The following SERTAD2 variants were observed in gnomAD, a reference collection of about 807,000 sequenced individuals.
SERTAD2 encodes the protein SERTA domain containing 2, also known as SERTA domain-containing protein 2.
SERTAD2 carries 2 observed loss-of-function variants against 15.4 expected under a neutral mutation model. The ratio of observed to expected loss-of-function variants is 0.13; its 90% CI spans 0.05 to 0.41. SERTAD2 has a LOEUF of 0.41. SERTAD2 is among the 10% of genes least tolerant of loss of function. The pLI is 0.99. For missense variants in SERTAD2, 333 were observed against 409.7 expected, an observed-to-expected ratio of 0.81 and a Z score of 1.62; for synonymous variants, 180 against 178.0, an observed-to-expected ratio of 1.01 and a Z score of -0.09.
intron 1 of SERTAD2, among the ~76,000 whole-genome samples, chr2:64,641,856 A>G (rs1449686441): frequency 6.6e-6 from 1 of 152,180 alleles, no homozygotes; most frequent in Non-Finnish European, 1.5e-5. Context: ...CTTCTCAACC[A>G]CGGACAAGCC....
rs552839590 is a variant in SERTAD2, at chr2:64,638,146, G to C, written c.-4-1271C>G. Among the ~76,000 whole-genome samples the C allele has an allele frequency of 1.8e-4, 28 of 152,288 alleles. No individual in the cohort carries two copies. The South Asian group carries it at 5.8e-3, about 32-fold the overall frequency. Reference sequence around the variant, plus strand: ...ACTCTCAGGGACTCCTGCTAATCCTGTCCTCAGTGTGACTCACTCTCATGT... The same window carrying C: ...ACTCTCAGGGACTCCTGCTAATCCTCTCCTCAGTGTGACTCACTCTCATGT... On this transcript the variant is annotated intron_variant, in intron 1 of 1. Transcript: ENST00000313349.
At position 64,635,837 on chromosome 2, in the gene SERTAD2, AAGC is replaced by A; in HGVS notation, c.*87_*89del. ...AATTTTCTTTTTCTCTGAAAAAGGCAAGCAAGGGTGCATGCACAGTGTGGAGAA... is the reference window on the plus strand; with the variant it reads ...AATTTTCTTTTTCTCTGAAAAAGGCAAAGGGTGCATGCACAGTGTGGAGAA... On this transcript the variant is annotated 3_prime_UTR_variant, in exon 2 of 2. Transcript: ENST00000313349. 1 of 1,061,190 alleles carries A rather than the reference AAGC, an allele frequency of 9.4e-7. No homozygotes were observed. Among genetic ancestry groups the A allele is most frequent in the Non-Finnish European group, 1.4e-6 (1 of 718,300 alleles). 65.7% of individuals were successfully genotyped at this position (1,061,190 alleles called of 1,614,324 possible). A position where few individuals can be genotyped will look rare whatever the true frequency, so the allele number is the denominator to read the frequency against.
intron 1 of SERTAD2, among the ~76,000 whole-genome samples, chr2:64,639,303 C>T (rs1270680033): frequency 6.6e-6 from 1 of 152,224 alleles, no homozygotes; most frequent in Non-Finnish European, 1.5e-5. Context: ...AGCAAATTTA[C>T]ACAGTAACTG....
At chr2:64,638,650 G>C (rs1674709587) in intron 1 of SERTAD2, among the ~76,000 whole-genome samples, 1 of 152,136 alleles carries the variant, frequency 6.6e-6, no homozygotes, top group South Asian at 2.1e-4. Context: ...GAAGAATGTG[G>C]AGTTACTTGC....
In SERTAD2 at chr2:64,633,201, T is replaced by G. The variant is rs754813050; in HGVS notation, c.*2726A>C. ...TAGATCATTTTGATCTTTCTGAAAA[T>G]GGGCTGCTAATTTTCCATGTCTTTC... On this transcript the variant is annotated 3_prime_UTR_variant, in exon 2 of 2. Transcript: ENST00000313349. 6.6e-6 allele frequency: 1 copy of G among 152,226 alleles called. No individual in the cohort carries two copies. The highest frequency in any genetic ancestry group is 1.5e-5 in the Non-Finnish European group (1 of 68,030). 9.4% of individuals were successfully genotyped at this position (152,226 alleles called of 1,614,324 possible).
At chr2:64,650,061 TG>T (rs1403671931) in intron 1 of SERTAD2, among the ~76,000 whole-genome samples, 2 of 152,094 alleles carry the variant, frequency 1.3e-5, no homozygotes, top group East Asian at 3.9e-4. Context: ...AATCAAATTG[TG>T]GGGTTTACTT....
intron 1 of SERTAD2, among the ~76,000 whole-genome samples, chr2:64,642,026 T>C (rs1674787921): frequency 1.3e-5 from 2 of 152,234 alleles, no homozygotes; most frequent in Non-Finnish European, 2.9e-5. Flanking sequence ...CCATTTCTTC[T>C]TTTCCTCATC....
intron 1 of SERTAD2, among the ~76,000 whole-genome samples, chr2:64,645,301 T>C (rs1422538787): frequency 6.6e-6 from 1 of 152,072 alleles, no homozygotes; most frequent in Non-Finnish European, 1.5e-5. Flanking sequence ...CAACGCAGCC[T>C]AGGCTGTTTG....
At chr2:64,643,086 T>A (rs187667854) in intron 1 of SERTAD2, among the ~76,000 whole-genome samples, 10 of 152,342 alleles carry the variant, frequency 6.6e-5, no homozygotes, top group African/African-American at 2.4e-4. Flanking sequence ...TGGAGACACC[T>A]GGTCCTGCAC....
intron 1 of SERTAD2, among the ~76,000 whole-genome samples, chr2:64,642,611 A>C (rs1674798701): frequency 6.6e-6 from 1 of 152,034 alleles, no homozygotes; most frequent in African/African-American, 2.4e-5. Context: ...CCAAACTACC[A>C]CTTCTGTCAT....
chr2:64,651,042 G>A (rs559931704), intron 1 of SERTAD2, among the ~76,000 whole-genome samples: 63 of 152,258 alleles, frequency 4.1e-4, no homozygotes, highest in Middle Eastern at 3.4e-3. Context: ...AATTTCTGTT[G>A]CCAAGAAGCT....
chr2:64,638,601 A>G (rs917260070), intron 1 of SERTAD2, among the ~76,000 whole-genome samples: 2 of 152,234 alleles, frequency 1.3e-5, no homozygotes, highest in African/African-American at 2.4e-5. Context: ...GCTGCGACCT[A>G]TCAACATCAG....
intron 1 of SERTAD2, among the ~76,000 whole-genome samples, chr2:64,640,542 A>G (rs1296728293): frequency 1.3e-5 from 2 of 152,080 alleles, no homozygotes; most frequent in Middle Eastern, 3.2e-3. Context: ...GAGGCAAGGG[A>G]CCTTTCAAAA....
chr2:64,644,709 T>A (rs549628114), intron 1 of SERTAD2: 1 of 152,088 alleles, frequency 6.6e-6, no homozygotes, highest in African/African-American at 2.4e-5. Context: ...CCTGAAAAGG[T>A]TGCAGTGGTG....
chr2:64,639,028 T>C (rs1230753355), intron 1 of SERTAD2, among the ~76,000 whole-genome samples: 2 of 152,268 alleles, frequency 1.3e-5, no homozygotes, highest in Non-Finnish European at 2.9e-5. Flanking sequence ...TATTTGCTTA[T>C]AATTTAAGCA....
intron 1 of SERTAD2, among the ~76,000 whole-genome samples, chr2:64,640,849 A>G (rs1400746988): frequency 6.6e-6 from 1 of 152,188 alleles, no homozygotes; most frequent in Non-Finnish European, 1.5e-5. Context: ...ACGTGGAGGA[A>G]TCACGTGGGT....
rs1424611051 is a variant in SERTAD2, at chr2:64,635,671, T to C, written c.*256A>G. 1.0e-5 allele frequency: 4 copies of C among 395,114 alleles called. No individual in the cohort carries two copies. The highest frequency in any genetic ancestry group is 6.4e-4 in the Middle Eastern group (1 of 1,556). 24.5% of individuals were successfully genotyped at this position (395,114 alleles called of 1,614,324 possible). ...ATTTTTGTCATTCAACATTGCAACA[T>C]TGTCTTCAAATGGATTCTTTCCTAT... On this transcript the variant is annotated 3_prime_UTR_variant, in exon 2 of 2. Transcript: ENST00000313349.
At chr2:64,649,480 T>C (rs1674968281) in intron 1 of SERTAD2, among the ~76,000 whole-genome samples, 1 of 152,240 alleles carries the variant, frequency 6.6e-6, no homozygotes, top group Admixed American at 6.5e-5. Flanking sequence ...TATATAGACA[T>C]AGATCATGTC....
At chr2:64,640,355 C>T (rs940828804) in intron 1 of SERTAD2, among the ~76,000 whole-genome samples, 3 of 152,148 alleles carry the variant, frequency 2.0e-5, no homozygotes, top group Admixed American at 6.5e-5. Context: ...AGAAAAGACA[C>T]GACATGCCCT....
Sources: allele counts gnomAD v4.1 joint callset (sites outside exome capture counted in the v4.1 genomes callset), GRCh38; gene constraint gnomAD v4.1.1; transcripts MANE v1.5; gene names NCBI Gene and HGNC (gene_info 2026-07-23, HGNC 2026-07-21).